ERAP2: variants seen among roughly 807,000 people sequenced by gnomAD.
The protein encoded by ERAP2 is endoplasmic reticulum aminopeptidase 2.
In ERAP2, 118 loss-of-function variants were observed where a neutral mutation model predicts 111.1. The observed-to-expected ratio is 1.06, with a 90% CI of 0.92 to 1.24. The LOEUF is 1.24. Among genes scored for constraint, ERAP2 ranks in the 50% most tolerant of loss-of-function variants. The probability of loss-of-function intolerance (pLI) is 0.00; values close to 1 mark genes in which losing one functional copy is unlikely to be tolerated. For missense variants in ERAP2, 1,131 were observed against 1,125.8 expected (o/e 1.00, Z -0.07); for synonymous variants, 410 against 401.2 (o/e 1.02, Z -0.26).
At chr5:96,910,450 T>C (rs892753534) in intron 15 of ERAP2, among the ~76,000 whole-genome samples, 1 of 149,834 alleles carries the variant, frequency 6.7e-6, no homozygotes, top group Non-Finnish European at 1.5e-5. Context: ...GAAATCAGTT[T>C]TAGAAAAAAA....
At chr5:96,889,504 T>C in intron 5 of ERAP2, 199 bp downstream of exon 5, 2 of 709,440 alleles carry the variant, frequency 2.8e-6, no homozygotes, top group Non-Finnish European at 5.0e-6. Context: ...GTGTGGATCA[T>C]TTCTCTATTC....
At chr5:96,882,283 T>C (rs1783218788) in intron 2 of ERAP2, among the ~76,000 whole-genome samples, 2 of 152,198 alleles carry the variant, frequency 1.3e-5, no homozygotes, top group African/African-American at 4.8e-5. Context: ...ACATATATCT[T>C]AGGGATACTA....
chr5:96,878,808 A>T (rs1178740230), intron 1 of ERAP2, among the ~76,000 whole-genome samples: 1 of 152,044 alleles, frequency 6.6e-6, no homozygotes, highest in African/African-American at 2.4e-5. Flanking sequence ...CATACCTGTA[A>T]TCCCAGCTAC....
chr5:96,916,306 A>G (rs1007042734), intron 18 of ERAP2, among the ~76,000 whole-genome samples: 1 of 152,040 alleles, frequency 6.6e-6, no homozygotes, highest in Non-Finnish European at 1.5e-5. Flanking sequence ...ACGTGTATTC[A>G]TAGCATTCAA....
chr5:96,886,846 A>G, intron 4 of ERAP2, 57 bp downstream of exon 4: 1 of 1,327,646 alleles, frequency 7.5e-7, no homozygotes, highest in Non-Finnish European at 9.8e-7. Context: ...AGAGCAATGA[A>G]CTTTTGTTTT....
chr5:96,885,010 C>T (rs765127083), intron 3 of ERAP2, among the ~76,000 whole-genome samples: 12 of 152,138 alleles, frequency 7.9e-5, no homozygotes, highest in African/African-American at 2.4e-4. Context: ...ACCCCATACA[C>T]GTCTATTTAA....
chr5:96,901,360 C>G (rs1163122746), intron 10 of ERAP2, 146 bp from the exon 11 acceptor site: 1 of 833,784 alleles, frequency 1.2e-6, no homozygotes, highest in Non-Finnish European at 1.9e-6. Flanking sequence ...AATCCAGTTG[C>G]CTGGATTACC....
At chr5:96,894,832 C>A (rs1311109786) in intron 6 of ERAP2, among the ~76,000 whole-genome samples, 1 of 152,026 alleles carries the variant, frequency 6.6e-6, no homozygotes, top group Non-Finnish European at 1.5e-5. Flanking sequence ...TAACTTCACC[C>A]AGGACACTTG....
intron 13 of ERAP2, 62 bp downstream of exon 13, chr5:96,903,622 C>A: frequency 7.1e-7 from 1 of 1,415,958 alleles, no homozygotes; most frequent in Non-Finnish European, 9.6e-7. Flanking sequence ...ATATGCTAGA[C>A]TTCAATATTG....
Position 96,876,538 on chromosome 5 carries a change from A to C in ERAP2, c.-123+11A>C, listed in dbSNP as rs1782544369. The C allele has an allele frequency of 1.3e-5, 2 of 152,360 alleles. No homozygotes were observed. Among genetic ancestry groups the C allele is most frequent in the South Asian group, 4.1e-4 (2 of 4,836 alleles). 9.4% of individuals were successfully genotyped at this position (152,360 alleles called of 1,614,324 possible). The stretch of plus-strand genomic sequence containing the variant: ...GCAGCATGATTTAAGGTAACGTATC[A>C]ACATTTCTCTTGGGTTTGTCTTAAA... On this transcript the variant is annotated intron_variant, in intron 1 of 18. Coordinates refer to ENST00000437043, the MANE Select transcript of ERAP2 (RefSeq NM_022350.5).
intron 3 of ERAP2, 124 bp from the exon 4 acceptor site, chr5:96,886,530 CT>C (rs1783735761): frequency 3.5e-5 from 24 of 687,886 alleles, no homozygotes; most frequent in Middle Eastern, 4.6e-4. Context: ...CATTGCCCCC[CT>C]AGGAGGTCAT....
At chr5:96,895,208 T>C in intron 6 of ERAP2, 38 bp from the exon 7 acceptor site, 5 of 1,245,878 alleles carry the variant, frequency 4.0e-6, no homozygotes, top group Non-Finnish European at 5.7e-6. Flanking sequence ...AATTTTTATT[T>C]GTTTAACTTC....
At chr5:96,893,705 AC>A (rs1784601645) in intron 6 of ERAP2, among the ~76,000 whole-genome samples, 1 of 152,008 alleles carries the variant, frequency 6.6e-6, no homozygotes, top group Non-Finnish European at 1.5e-5. Flanking sequence ...TTTTGCCCCC[AC>A]TTTTTTGTCT....
chr5:96,894,814 TA>T, intron 6 of ERAP2, among the ~76,000 whole-genome samples: 1 of 152,218 alleles, frequency 6.6e-6, no homozygotes, highest in South Asian at 2.1e-4. Flanking sequence ...CTACTTAATA[TA>T]AAAAGATAAC....
At chr5:96,902,536 G>T in intron 12 of ERAP2, 183 bp downstream of exon 12, 2 of 517,880 alleles carry the variant, frequency 3.9e-6, no homozygotes, top group Non-Finnish European at 6.9e-6. Flanking sequence ...TTTTCATTCA[G>T]TGGGAAGTTC....
chr5:96,908,355 C>T (rs183451212), intron 13 of ERAP2, among the ~76,000 whole-genome samples: 28 of 152,268 alleles, frequency 1.8e-4, no homozygotes, highest in Non-Finnish European at 3.4e-4. Flanking sequence ...AATAATAAAC[C>T]TGTTATTTAT....
chr5:96,885,283 C>G (rs982228753), intron 3 of ERAP2, among the ~76,000 whole-genome samples: 1 of 152,168 alleles, frequency 6.6e-6, no homozygotes, highest in Non-Finnish European at 1.5e-5. Context: ...TACCCCAGCT[C>G]TCAGCCCCTA....
Position 96,892,331 on chromosome 5 carries a change from G to A in ERAP2, c.1003G>A (p.Ala335Thr). The change falls in exon 6 of 19, where the codon GCC (alanine) becomes ACC (threonine). Residue 335 changes from alanine (A) to threonine (T), a missense_variant. This residue lies in a region of ERAP2 where 847 missense variants were observed against 856.5 expected (regional missense o/e 0.99). Transcript: ENST00000437043. ...LIAIPDFAPG[A>T]MENWGLITYR... is the part of the protein sequence containing the mutation. The stretch of plus-strand genomic sequence containing the variant: ...TGCTATTCCTGACTTTGCACCTGGA[G>A]CCATGGAAAATTGGGGCCTCATTAC... 1 of 1,613,922 alleles carries A rather than the reference G, an allele frequency of 6.2e-7. No homozygotes were observed. The highest frequency in any genetic ancestry group is 1.7e-5 in the Admixed American group (1 of 60,006).
chr5:96,911,289 A>T (rs1786706764), intron 15 of ERAP2, among the ~76,000 whole-genome samples: 1 of 152,158 alleles, frequency 6.6e-6, no homozygotes, highest in Non-Finnish European at 1.5e-5. Context: ...ACAAATGCAA[A>T]TTTCTGGCTC....
Sources: gnomAD v4.1 joint callset for allele counts (sites outside exome capture counted in the v4.1 genomes callset) on GRCh38, gnomAD v4.1.1 for gene constraint, gnomAD v4.1.1 regional missense constraint, MANE v1.5 for transcripts, NCBI Gene and HGNC (gene_info 2026-07-23, HGNC 2026-07-21) for gene names.